The following WDR33 variants were observed in gnomAD, a reference collection of about 807,000 sequenced individuals.
WDR33 encodes WD repeat domain 33.
In WDR33, 47 loss-of-function variants were observed where a neutral mutation model predicts 164.9. That is an observed-to-expected ratio of 0.29 (90% CI 0.23 to 0.36). The LOEUF (loss-of-function observed/expected upper bound fraction) is 0.36, where lower values mean the gene tolerates loss of function less well. Ranked by LOEUF, WDR33 falls within the 10% of genes least tolerant of loss-of-function variation. WDR33 has a pLI of 1.00. For missense variants in WDR33, 1,137 were observed against 1,754.1 expected (o/e 0.65, Z 6.28); for synonymous variants, 505 against 589.0 (o/e 0.86, Z 2.06).
At chr2:127,784,555 A>C (rs1688495100) in intron 1 of WDR33, among the ~76,000 whole-genome samples, 1 of 151,980 alleles carries the variant, frequency 6.6e-6, no homozygotes, top group African/African-American at 2.4e-5. Context: ...GCCAATTTTT[A>C]TATTTTGTAG....
intron 7 of WDR33, among the ~76,000 whole-genome samples, chr2:127,732,049 T>C (rs1686720515): frequency 6.6e-6 from 1 of 150,884 alleles, no homozygotes; most frequent in South Asian, 2.1e-4. Context: ...GATTTTGCCA[T>C]TACATTCCAG....
rs923648816 is a variant in WDR33 at position 127,706,688 on chromosome 2, C to T, written c.3782-136G>A. The T allele has an allele frequency of 1.0e-5, 8 of 766,574 alleles. 1 individual carries two copies. The highest frequency in any genetic ancestry group is 5.8e-5 in the South Asian group (3 of 51,764). 47.5% of individuals were successfully genotyped at this position (766,574 alleles called of 1,614,324 possible). The stretch of plus-strand genomic sequence containing the variant: ...CAGGGAGACTGGCAGTGGTATTCAG[C>T]GTACTGAGAGGTGTGCCTCTACCCT... On this transcript the variant is annotated intron_variant, in intron 21 of 21. Transcript: ENST00000322313. The surrounding 1 kb of genome is among the most constrained non-coding windows in gnomAD (Gnocchi z 5.1).
At position 127,764,625 on chromosome 2, in the gene WDR33, G is replaced by C; in HGVS notation, c.626+203C>G. 1 of 1,554,686 alleles carries C rather than the reference G, an allele frequency of 6.4e-7. No homozygotes were observed. Among genetic ancestry groups the C allele is most frequent in the Non-Finnish European group, 8.7e-7 (1 of 1,148,268 alleles). On this transcript the variant is annotated intron_variant, in intron 6 of 21. Transcript: ENST00000322313. The surrounding 1 kb of genome is among the most constrained non-coding windows in gnomAD (Gnocchi z 6.2). The stretch of plus-strand genomic sequence containing the variant: ...AGTACATCTCTAACATATTGCAAAG[G>C]CTGATACCGGGACAACACTACTTCA...
At chr2:127,788,187 G>A (rs1252337668) in intron 1 of WDR33, among the ~76,000 whole-genome samples, 6 of 119,020 alleles carry the variant, frequency 5.0e-5, no homozygotes, top group East Asian at 2.7e-4. Flanking sequence ...GCGGCTGGCC[G>A]GGCGGAGGGC....
At chr2:127,745,119 A>G (rs1480950920) in intron 7 of WDR33, among the ~76,000 whole-genome samples, 2 of 152,212 alleles carry the variant, frequency 1.3e-5, no homozygotes, top group African/African-American at 2.4e-5. Context: ...CATTTTAACT[A>G]GTGGAAACAC....
In WDR33 at chr2:127,701,623, C is replaced by A; in HGVS notation, c.*4700G>T. 1 of 1,330,386 alleles carries A rather than the reference C, an allele frequency of 7.5e-7. No homozygotes were observed. Among genetic ancestry groups the A allele is most frequent in the South Asian group, 1.9e-5 (1 of 51,440 alleles). 82.4% of individuals were successfully genotyped at this position (1,330,386 alleles called of 1,614,324 possible). The stretch of plus-strand genomic sequence containing the variant: ...GAGCCGCTGCTCGCCGCGGAGAAGG[C>A]GGAGGAGCCCGGGGACCGGCCGGCG... On this transcript the variant is annotated 3_prime_UTR_variant, in exon 22 of 22. Transcript: ENST00000322313.
intron 2 of WDR33, 46 bp from the exon 3 acceptor site, chr2:127,769,047 T>TC: frequency 1.2e-6 from 1 of 847,150 alleles, no homozygotes; most frequent in African/African-American, 2.0e-5. Flanking sequence ...ATAGATCAAT[T>TC]AATGACTATA....
chr2:127,804,118 G>A (rs1051933939), intron 1 of WDR33, among the ~76,000 whole-genome samples: 7 of 151,996 alleles, frequency 4.6e-5, no homozygotes, highest in Non-Finnish European at 7.4e-5. Flanking sequence ...TCAGGAGATC[G>A]AGACCATCCT....
intron 7 of WDR33, among the ~76,000 whole-genome samples, chr2:127,733,239 A>G (rs996580980): frequency 6.6e-6 from 1 of 152,142 alleles, no homozygotes; most frequent in Non-Finnish European, 1.5e-5. Flanking sequence ...ACAGCACCAA[A>G]TCTGCTCCAG....
intron 1 of WDR33, among the ~76,000 whole-genome samples, chr2:127,802,149 G>A (rs1458520990): frequency 3.3e-5 from 5 of 150,210 alleles, no homozygotes; most frequent in Non-Finnish European, 5.9e-5. Flanking sequence ...GCCTGGAGGA[G>A]AGAGCAAGAC....
chr2:127,764,130 T>C lies in WDR33; in HGVS notation c.626+698A>G, dbSNP rs931593736. The C allele has an allele frequency of 2.6e-5, 26 of 998,574 alleles. No homozygotes were observed. Among genetic ancestry groups the C allele is most frequent in the Non-Finnish European group, 2.9e-5 (24 of 838,926 alleles). 61.9% of individuals were successfully genotyped at this position (998,574 alleles called of 1,614,324 possible). On this transcript the variant is annotated intron_variant, in intron 6 of 21. Transcript: ENST00000322313. This position sits in a 1 kb window ranked among gnomAD's most constrained non-coding sequence, Gnocchi z 6.2. ...GGAACTTTTTCCCCCAGTTTTACTA[T>C]ACATACCTCACTGATGTGTAAAAAT...
At chr2:127,730,024 T>C (rs1179050790) in intron 7 of WDR33, among the ~76,000 whole-genome samples, 3 of 152,192 alleles carry the variant, frequency 2.0e-5, no homozygotes, top group Non-Finnish European at 2.9e-5. Context: ...CAAAAGAATC[T>C]GATAACATCA....
rs1558920460 is a variant in WDR33, at chr2:127,713,823, TTGTCAGGGTGGAAGTCA to T, written c.3051_3067del (p.Asp1017GlufsTer9). On this transcript the variant is annotated frameshift_variant, in exon 18 of 22. Transcript: ENST00000322313. LOFTEE classifies it high-confidence loss of function. This position sits in a 1 kb window ranked among gnomAD's most constrained non-coding sequence, Gnocchi z 6.2. ...TTCACGTAACCGGTGGCCAAAGCGC[TTGTCAGGGTGGAAGTCA>T]TCTGGTCTGCTGAAGTCATCGGGGA... 1 of 1,614,224 alleles carries T rather than the reference TTGTCAGGGTGGAAGTCA, an allele frequency of 6.2e-7. No homozygotes were observed. Among genetic ancestry groups the T allele is most frequent in the South Asian group, 1.1e-5 (1 of 91,088 alleles).
chr2:127,784,944 C>G (rs183519440), intron 1 of WDR33, among the ~76,000 whole-genome samples: 10 of 152,128 alleles, frequency 6.6e-5, no homozygotes, highest in African/African-American at 2.4e-4. Flanking sequence ...ATGGCAGATA[C>G]AAGCTTTCCA....
At chr2:127,794,747 T>C (rs1292737072) in intron 1 of WDR33, among the ~76,000 whole-genome samples, 6 of 142,906 alleles carry the variant, frequency 4.2e-5, no homozygotes, top group Non-Finnish European at 7.6e-5. Context: ...GGCAGGAGAG[T>C]TGCTTGAACC....
chr2:127,736,458 G>C, intron 7 of WDR33: 1 of 985,384 alleles, frequency 1.0e-6, no homozygotes, highest in Non-Finnish European at 1.2e-6. Flanking sequence ...AATGTATAGT[G>C]TCAGGAGCAA....
intron 1 of WDR33, among the ~76,000 whole-genome samples, chr2:127,785,704 CT>C (rs978013446): frequency 1.3e-5 from 2 of 152,092 alleles, no homozygotes; most frequent in African/African-American, 4.8e-5. Flanking sequence ...ATGTACCAAA[CT>C]TTGTTTACCC....
chr2:127,740,474 G>A (rs931993568), intron 7 of WDR33, among the ~76,000 whole-genome samples: 2 of 152,150 alleles, frequency 1.3e-5, no homozygotes, highest in Non-Finnish European at 2.9e-5. Flanking sequence ...GAGCCCGGGA[G>A]GTCAAGGATG....
At chr2:127,744,501 T>C (rs1242431368) in intron 7 of WDR33, among the ~76,000 whole-genome samples, 4 of 152,148 alleles carry the variant, frequency 2.6e-5, no homozygotes, top group Non-Finnish European at 5.9e-5. Flanking sequence ...TCTCCTTTCA[T>C]GTAGTGATTT....
Sources: gnomAD v4.1 joint callset for allele counts (sites outside exome capture counted in the v4.1 genomes callset) on GRCh38, gnomAD v4.1.1 for gene constraint, Gnocchi (gnomAD v3.1) non-coding constraint, MANE v1.5 for transcripts, NCBI Gene and HGNC (gene_info 2026-07-23, HGNC 2026-07-21) for gene names.